Variants in ASH1L observed in about 807,000 individuals in gnomAD.
ASH1L encodes the protein ASH1 like histone lysine methyltransferase.
In ASH1L, 23 loss-of-function variants were observed where a neutral mutation model predicts 269.0. The ratio of observed to expected loss-of-function variants is 0.09; its 90% confidence interval spans 0.06 to 0.12. The LOEUF is 0.12. Among genes scored for constraint, ASH1L ranks in the 10% least tolerant of loss-of-function variants. The pLI, the probability that ASH1L is intolerant of heterozygous loss-of-function variation, is 1.00. For synonymous variants in ASH1L, 1,187 were observed against 1,253.5 expected (o/e 0.95, Z 1.12); for missense variants, 2,912 against 3,567.8 (o/e 0.82, Z 4.68).
chr1:155,346,857 C>T (rs1353902759), intron 20 of ASH1L, among the ~76,000 whole-genome samples: 1 of 152,164 alleles, frequency 6.6e-6, no homozygotes, highest in Admixed American at 6.5e-5. Flanking sequence ...CAATCCTGTG[C>T]GTTACTTACA....
At chr1:155,382,751 T>C (rs1055155840) in intron 7 of ASH1L, among the ~76,000 whole-genome samples, 6 of 151,526 alleles carry the variant, frequency 4.0e-5, no homozygotes, top group African/African-American at 1.2e-4. Context: ...TTCAAGACAG[T>C]GTCTCGCTCT....
chr1:155,562,691 G>C lies in ASH1L; in HGVS notation c.-638C>G. The C allele has an allele frequency of 6.6e-7, 1 of 1,509,730 alleles. No homozygotes were observed. Among genetic ancestry groups the C allele is most frequent in the Non-Finnish European group, 8.9e-7 (1 of 1,126,858 alleles). The allele number at this position is 1,509,730 out of a possible 1,614,324, so 93.5% of individuals were successfully genotyped here. On this transcript the variant is annotated 5_prime_UTR_variant, in exon 1 of 28. Coordinates refer to ENST00000392403, the MANE Select transcript of ASH1L (RefSeq NM_018489.3). Reference sequence around the variant, plus strand: ...GCCCCGCGCGCCAGCCAGCCCGTACGCGCTCACCCACAGGAACCCCCTCGT... The same window carrying C: ...GCCCCGCGCGCCAGCCAGCCCGTACCCGCTCACCCACAGGAACCCCCTCGT...
rs7339988 is a variant in ASH1L at position 155,365,239 on chromosome 1, C to T, written c.6687-4830G>A. On this transcript the variant is annotated intron_variant, in intron 12 of 27. Transcript: ENST00000392403. ...TTTTTTTTTGAGATGGAGTTTTGCT[C>T]TTGTCGCTCAGGCTGGAGTGCAGTG... Among the ~76,000 whole-genome samples, 369 of 152,042 alleles carry T rather than the reference C, an allele frequency of 2.4e-3. 1 individual carries two copies. Among genetic ancestry groups the T allele is most frequent in the African/African-American group, 8.5e-3 (353 of 41,500 alleles).
chr1:155,377,374 A>ATCT (rs1656546886), intron 10 of ASH1L, among the ~76,000 whole-genome samples: 1 of 152,140 alleles, frequency 6.6e-6, no homozygotes, highest in Non-Finnish European at 1.5e-5. Context: ...CCACTGTCCT[A>ATCT]TTCTGCTTCC....
chr1:155,461,445 G>T (rs899721073), intron 3 of ASH1L, among the ~76,000 whole-genome samples: 1 of 152,144 alleles, frequency 6.6e-6, no homozygotes, highest in Non-Finnish European at 1.5e-5. Context: ...AATGATGACT[G>T]ATGTAGACCT....
Position 155,337,559 on chromosome 1 carries a change from C to A in ASH1L, c.*101G>T. On this transcript the variant is annotated 3_prime_UTR_variant, in exon 28 of 28. Transcript: ENST00000392403. ...ACAACATGGCCCCATTCCCCTTGCC[C>A]AGATGGACCCTTCCCACCCCTGTCT... The A allele has an allele frequency of 1.0e-6, 1 of 958,546 alleles. No individual in the cohort carries two copies. Among genetic ancestry groups the A allele is most frequent in the Non-Finnish European group, 1.7e-6 (1 of 600,598 alleles). The allele number at this position is 958,546 out of a possible 1,614,324, so 59.4% of individuals were successfully genotyped here.
At chr1:155,428,459 A>T (rs1661343621) in intron 5 of ASH1L, among the ~76,000 whole-genome samples, 2 of 150,940 alleles carry the variant, frequency 1.3e-5, no homozygotes, top group Admixed American at 1.3e-4. Context: ...AAAAATATAT[A>T]TATATATGTT....
At chr1:155,507,994 A>G (rs114286994) in intron 2 of ASH1L, among the ~76,000 whole-genome samples, 3,359 of 150,514 alleles carry the variant, frequency 0.022, 114 homozygotes, top group African/African-American at 0.078. Flanking sequence ...GCAAGCTTGT[A>G]TACTTGACTT....
chr1:155,559,486 G>C (rs1346365769), intron 1 of ASH1L, among the ~76,000 whole-genome samples: 1 of 143,482 alleles, frequency 7.0e-6, no homozygotes, highest in Admixed American at 7.4e-5. Context: ...AGTGAATTGA[G>C]ATAGCGCCAC....
Position 155,352,899 on chromosome 1 carries a change from A to G in ASH1L, c.7214-41T>C, listed in dbSNP as rs773392003. 6.4e-6 allele frequency: 10 copies of G among 1,568,648 alleles called. No homozygotes were observed. The African/African-American group carries it at 1.2e-4, about 19-fold the overall frequency. On this transcript the variant is annotated intron_variant, in intron 16 of 27. Transcript: ENST00000392403. ...GAAAATTAAGTTACAGGAAACAAGG[A>G]GCTCTACATGTCTTTCTCTTTCCCA...
chr1:155,403,040 C>G (rs1174033627), intron 6 of ASH1L, among the ~76,000 whole-genome samples: 1 of 151,600 alleles, frequency 6.6e-6, no homozygotes, highest in Non-Finnish European at 1.5e-5. Flanking sequence ...CACAAATTAG[C>G]CAGGTGTGGT....
At chr1:155,553,809 T>C (rs1331563158) in intron 1 of ASH1L, among the ~76,000 whole-genome samples, 1 of 152,098 alleles carries the variant, frequency 6.6e-6, no homozygotes, top group Non-Finnish European at 1.5e-5. Context: ...GAATTTTTTT[T>C]TTTTTTTGAG....
intron 7 of ASH1L, among the ~76,000 whole-genome samples, chr1:155,388,923 G>C (rs536375777): frequency 2.0e-5 from 3 of 151,390 alleles, no homozygotes; most frequent in African/African-American, 7.3e-5. Context: ...TGCCTAAGTT[G>C]GTCTCAAACT....
At chr1:155,557,851 C>T (rs1671705984) in intron 1 of ASH1L, among the ~76,000 whole-genome samples, 1 of 152,148 alleles carries the variant, frequency 6.6e-6, no homozygotes, top group Admixed American at 6.5e-5. Flanking sequence ...CCACCTCTTG[C>T]GGCACCCAGG....
intron 15 of ASH1L, among the ~76,000 whole-genome samples, chr1:155,354,852 C>A (rs1366798038): frequency 2.0e-5 from 3 of 152,070 alleles, no homozygotes; most frequent in Admixed American, 6.6e-5. Flanking sequence ...TTAAAGGCTG[C>A]AAAAATGCTG....
chr1:155,396,289 A>G (rs1166693512), intron 6 of ASH1L: 4 of 152,150 alleles, frequency 2.6e-5, no homozygotes, highest in Non-Finnish European at 5.9e-5. Flanking sequence ...TTATGACTAT[A>G]TTTTAGCTTA....
chr1:155,410,619 C>A (rs1272198358), intron 6 of ASH1L, among the ~76,000 whole-genome samples: 1 of 152,082 alleles, frequency 6.6e-6, no homozygotes, highest in Non-Finnish European at 1.5e-5. Context: ...GGATTACAGG[C>A]GTGAGCAATC....
chr1:155,460,877 A>C (rs1029060958), intron 3 of ASH1L, among the ~76,000 whole-genome samples: 1 of 152,218 alleles, frequency 6.6e-6, no homozygotes, highest in African/African-American at 2.4e-5. Flanking sequence ...AGAGCATATT[A>C]CATCTCCCGC....
rs534690373 is a variant in ASH1L at position 155,522,646 on chromosome 1, G to A, written c.-99-1028C>T. ...CCCATTTTAAATATAAAGATCCTCA[G>A]GAAACCAGATTACCATATAATCATT... On this transcript the variant is annotated intron_variant, in intron 1 of 27. Coordinates refer to ENST00000392403, the MANE Select transcript of ASH1L (RefSeq NM_018489.3). Among the ~76,000 whole-genome samples the A allele has an allele frequency of 9.4e-4, 142 of 151,674 alleles. 1 individual carries two copies. Among genetic ancestry groups the A allele is most frequent in the African/African-American group, 3.3e-3 (137 of 41,328 alleles).
Sources: allele counts gnomAD v4.1 joint callset (sites outside exome capture counted in the v4.1 genomes callset), GRCh38; gene constraint gnomAD v4.1.1; transcripts MANE v1.5; gene names NCBI Gene and HGNC (gene_info 2026-07-23, HGNC 2026-07-21).